The following TPD52 variants were observed in gnomAD, a reference collection of about 807,000 sequenced individuals.
TPD52 encodes prostate and colon associated protein.
In TPD52, 17 loss-of-function variants were observed where a neutral mutation model predicts 31.3. That is an observed-to-expected ratio of 0.54 (90% CI 0.37 to 0.82). The LOEUF (loss-of-function observed/expected upper bound fraction) is 0.82. Ranked by LOEUF, TPD52 falls within the 40% of genes least tolerant of loss-of-function variation. The probability of loss-of-function intolerance (pLI) is 0.00; values close to 1 mark genes in which losing one functional copy is unlikely to be tolerated. For missense variants in TPD52, 212 were observed against 240.1 expected (o/e 0.88, Z 0.77); for synonymous variants, 83 against 89.6 (o/e 0.93, Z 0.42).
chr8:80,033,793 G>A (rs1353844137), downstream of TPD52, among the ~76,000 whole-genome samples: 3 of 152,300 alleles, frequency 2.0e-5, no homozygotes, highest in South Asian at 2.1e-4. Flanking sequence ...TGAGTGTTGA[G>A]TCTGGCTGAG....
At position 80,036,844 on chromosome 8, in the gene TPD52, T is replaced by A. The variant is rs1331222544; in HGVS notation, c.*1272A>T. On this transcript the variant is annotated 3_prime_UTR_variant, in exon 8 of 8. Coordinates refer to ENST00000518937, the MANE Select transcript of TPD52 (RefSeq NM_001025253.3). ...TTTGGCATAAACAATAATAAAACAATCACAATTTAATAAATAACAAATACA... is the reference window on the plus strand; with the variant it reads ...TTTGGCATAAACAATAATAAAACAAACACAATTTAATAAATAACAAATACA... The A allele has an allele frequency of 6.6e-6, 1 of 152,432 alleles. No homozygotes were observed. Among genetic ancestry groups the A allele is most frequent in the Middle Eastern group, 3.2e-3 (1 of 316 alleles). The allele number at this position is 152,432 out of a possible 1,614,324, so 9.4% of individuals were successfully genotyped here.
intron 1 of TPD52, among the ~76,000 whole-genome samples, chr8:80,128,660 C>CAAATA (rs925375837): frequency 1.7e-4 from 26 of 150,300 alleles, no homozygotes; most frequent in East Asian, 5.9e-4. Context: ...GGCCCTGTCT[C>CAAATA]AAATAAAATA....
chr8:80,100,230 C>G (rs1806635308), intron 1 of TPD52, among the ~76,000 whole-genome samples: 1 of 152,170 alleles, frequency 6.6e-6, no homozygotes, highest in Non-Finnish European at 1.5e-5. Context: ...CAGAAACAAG[C>G]TCTGAAATAA....
intron 1 of TPD52, among the ~76,000 whole-genome samples, chr8:80,138,419 G>A (rs566910974): frequency 6.4e-4 from 98 of 152,206 alleles, no homozygotes; most frequent in African/African-American, 2.2e-3. Context: ...TCATTTAGTC[G>A]TCTCCTTCGG....
chr8:80,162,891 A>C (rs1463772468), intron 1 of TPD52, among the ~76,000 whole-genome samples: 1 of 152,044 alleles, frequency 6.6e-6, no homozygotes, highest in Non-Finnish European at 1.5e-5. Flanking sequence ...GAGCCACTGC[A>C]CTCCAGCCTG....
intron 5 of TPD52, among the ~76,000 whole-genome samples, chr8:80,045,211 G>A (rs1451111407): frequency 6.6e-6 from 1 of 152,176 alleles, no homozygotes; most frequent in Non-Finnish European, 1.5e-5. Flanking sequence ...GGAGGAATTT[G>A]ATAATTCTTT....
chr8:80,059,090 T>C (rs1355509705), intron 2 of TPD52, among the ~76,000 whole-genome samples: 1 of 152,076 alleles, frequency 6.6e-6, no homozygotes, highest in Non-Finnish European at 1.5e-5. Flanking sequence ...CTCAATAAAC[T>C]TAAAGTCATA....
chr8:80,137,932 C>G (rs1809550306), intron 1 of TPD52, among the ~76,000 whole-genome samples: 1 of 151,838 alleles, frequency 6.6e-6, no homozygotes, highest in South Asian at 2.1e-4. Flanking sequence ...AATGAGACCC[C>G]GTCTCTTTTC....
rs756734597 is a variant in TPD52 at position 80,053,394 on chromosome 8, C to T, written c.172G>A (p.Ala58Thr). The stretch of plus-strand genomic sequence containing the variant: ...TCTGCTAGATGCTTCTCTTTTGCTG[C>T]TAACACTTGAGACAGAGTCTGGATT... ...EEIQTLSQVL[A>T]AKEKHLAEIK... Residue 58 changes from alanine (A) to threonine (T), a missense_variant, in exon 3 of 8, where the codon GCA (alanine) becomes ACA (threonine). Transcript: ENST00000518937. 6.2e-7 allele frequency: 1 copy of T among 1,613,628 alleles called. No homozygotes were observed. Among genetic ancestry groups the T allele is most frequent in the East Asian group, 2.2e-5 (1 of 44,878 alleles).
intron 1 of TPD52, among the ~76,000 whole-genome samples, chr8:80,113,366 CAG>C (rs1278303094): frequency 2.7e-5 from 4 of 150,896 alleles, no homozygotes; most frequent in Admixed American, 6.6e-5. Flanking sequence ...CTATGGAAAA[CAG>C]TGTGGAGGAT....
chr8:80,070,986 A>G (rs556025846), intron 1 of TPD52, among the ~76,000 whole-genome samples: 2 of 152,334 alleles, frequency 1.3e-5, no homozygotes, highest in African/African-American at 4.8e-5. Flanking sequence ...AGAGACTCAG[A>G]GAAGAGATTA....
At chr8:80,072,462 T>G (rs1217292510) in intron 1 of TPD52, among the ~76,000 whole-genome samples, 2 of 17,530 alleles carry the variant, frequency 1.1e-4, no homozygotes, top group African/African-American at 6.6e-4. Context: ...CACATAGATA[T>G]GCGTGTATAT....
At chr8:80,156,094 G>A (rs201274781) in intron 1 of TPD52, among the ~76,000 whole-genome samples, 2 of 152,114 alleles carry the variant, frequency 1.3e-5, no homozygotes, top group African/African-American at 4.8e-5. Flanking sequence ...GCTTGGTCAG[G>A]ACAGCTATTC....
chr8:80,123,618 G>T (rs770567128), intron 1 of TPD52, among the ~76,000 whole-genome samples: 1 of 152,210 alleles, frequency 6.6e-6, no homozygotes, highest in Non-Finnish European at 1.5e-5. Flanking sequence ...TAGCCAAGTA[G>T]ATGTGCTGCG....
chr8:80,119,937 C>T (rs991252926), intron 1 of TPD52: 9 of 332,132 alleles, frequency 2.7e-5, no homozygotes, highest in African/African-American at 2.0e-4. Flanking sequence ...AGAAAAACTA[C>T]AGGACATTAA....
intron 5 of TPD52, among the ~76,000 whole-genome samples, chr8:80,048,429 T>C (rs1245466713): frequency 3.1e-4 from 47 of 152,174 alleles, no homozygotes; most frequent in Admixed American, 3.1e-3. Context: ...CCAGGTAAAA[T>C]GGACCTAGAA....
intron 4 of TPD52, 103 bp from the exon 5 acceptor site, chr8:80,050,574 TA>T (rs1217827331): frequency 9.0e-7 from 1 of 1,110,872 alleles, no homozygotes; most frequent in African/African-American, 1.6e-5. Context: ...CCCTGGGCTC[TA>T]AACTGCTACA....
At chr8:80,053,475 A>C in intron 2 of TPD52, 45 bp from the exon 3 acceptor site, 3 of 1,587,862 alleles carry the variant, frequency 1.9e-6, no homozygotes, top group Non-Finnish European at 2.6e-6. Context: ...AAAGTCATTC[A>C]GTAAGTTAAG....
intron 1 of TPD52, among the ~76,000 whole-genome samples, chr8:80,079,960 G>T (rs926282801): frequency 6.6e-5 from 10 of 152,144 alleles, no homozygotes; most frequent in Non-Finnish European, 1.5e-4. Flanking sequence ...GAAAAATCGG[G>T]AAAGTTGTCG....
Sources: allele counts gnomAD v4.1 joint callset (sites outside exome capture counted in the v4.1 genomes callset), GRCh38; gene constraint gnomAD v4.1.1; transcripts MANE v1.5; gene names NCBI Gene and HGNC (gene_info 2026-07-23, HGNC 2026-07-21).